Variants in UNC5D observed in about 807,000 individuals in gnomAD.
The protein encoded by UNC5D is netrin receptor UNC5D.
UNC5D carries 39 observed loss-of-function variants against 105.4 expected under a neutral mutation model. The observed-to-expected ratio is 0.37, with a 90% CI of 0.29 to 0.48. The LOEUF (loss-of-function observed/expected upper bound fraction) is 0.48, where lower values mean the gene tolerates loss of function less well. Among genes scored for constraint, UNC5D ranks in the 20% least tolerant of loss-of-function variants. The pLI is 0.98. For missense variants in UNC5D, 991 were observed against 1,202.4 expected (o/e 0.82, Z 2.60); for synonymous variants, 452 against 450.4 (o/e 1.00, Z -0.04).
At chr8:35,625,120 G>A (rs886548380) in intron 4 of UNC5D, among the ~76,000 whole-genome samples, 6 of 152,052 alleles carry the variant, frequency 3.9e-5, no homozygotes, top group Admixed American at 2.0e-4. Context: ...AGGGCATTCC[G>A]TTGTGATGAG....
intron 1 of UNC5D, among the ~76,000 whole-genome samples, chr8:35,459,923 G>A (rs1328138401): frequency 6.6e-6 from 1 of 152,076 alleles, no homozygotes; most frequent in Non-Finnish European, 1.5e-5. Flanking sequence ...GACCTGCTGT[G>A]GCCTTTAGAC....
intron 1 of UNC5D, among the ~76,000 whole-genome samples, chr8:35,274,827 C>T (rs986122615): frequency 1.2e-4 from 19 of 152,184 alleles, no homozygotes; most frequent in African/African-American, 4.6e-4. Context: ...TTTATCAATT[C>T]TAAAAAATAT....
intron 1 of UNC5D, among the ~76,000 whole-genome samples, chr8:35,326,352 C>A (rs553280040): frequency 6.6e-6 from 1 of 152,056 alleles, no homozygotes; most frequent in East Asian, 1.9e-4. Context: ...GGTCAAAGCA[C>A]GTGGTTGGAA....
At chr8:35,263,108 A>G (rs927149678) in intron 1 of UNC5D, among the ~76,000 whole-genome samples, 1 of 151,988 alleles carries the variant, frequency 6.6e-6, no homozygotes, top group East Asian at 1.9e-4. Context: ...GCACCTTCAC[A>G]TATTCTTTTT....
intron 14 of UNC5D, among the ~76,000 whole-genome samples, chr8:35,761,772 C>T (rs1014411361): frequency 6.6e-6 from 1 of 152,132 alleles, no homozygotes; most frequent in African/African-American, 2.4e-5. Flanking sequence ...TGAAATCCCT[C>T]AGCTTGTGTG....
intron 4 of UNC5D, among the ~76,000 whole-genome samples, chr8:35,618,585 G>A (rs1225163586): frequency 6.6e-6 from 1 of 152,156 alleles, no homozygotes; most frequent in African/African-American, 2.4e-5. Flanking sequence ...GATGATCATG[G>A]TTAGTTACCA....
chr8:35,655,826 A>G (rs1485817562), intron 4 of UNC5D, among the ~76,000 whole-genome samples: 1 of 152,178 alleles, frequency 6.6e-6, no homozygotes, highest in African/African-American at 2.4e-5. Context: ...TATAATAAAC[A>G]GCTACAATGT....
At chr8:35,512,491 T>TATATATATATAG (rs1812791960) in intron 1 of UNC5D, among the ~76,000 whole-genome samples, 1 of 115,708 alleles carries the variant, frequency 8.6e-6, no homozygotes, top group Non-Finnish European at 1.8e-5. Flanking sequence ...TATATATATA[T>TATATATATATAG]ATATATATAT....
At chr8:35,471,238 A>G (rs1242427307) in intron 1 of UNC5D, among the ~76,000 whole-genome samples, 1 of 152,134 alleles carries the variant, frequency 6.6e-6, no homozygotes, top group Non-Finnish European at 1.5e-5. Flanking sequence ...AGCCCCTAAG[A>G]TCCAAGTAGT....
rs570794894 is a variant in UNC5D at position 35,751,846 on chromosome 8, C to T, written c.2163+1037C>T. Among the ~76,000 whole-genome samples, 5 of 152,182 alleles carry T rather than the reference C, an allele frequency of 3.3e-5. No homozygotes were observed. In the East Asian group the frequency reaches 5.8e-4, roughly 18 times the overall value. ...TTCAACAAACAAACACAGACACAAA[C>T]GGAGAAGAGTTTTTGGGAACTCTTT... is the stretch of plus-strand genomic sequence containing the variant. On this transcript the variant is annotated intron_variant, in intron 13 of 16. Transcript: ENST00000404895.
chr8:35,677,009 A>G (rs1825280238), intron 4 of UNC5D, among the ~76,000 whole-genome samples: 1 of 152,148 alleles, frequency 6.6e-6, no homozygotes, highest in Non-Finnish European at 1.5e-5. Context: ...CATGAAAAAT[A>G]TAAGATCTGA....
chr8:35,408,656 TG>T (rs1315225909), intron 1 of UNC5D, among the ~76,000 whole-genome samples: 1 of 151,708 alleles, frequency 6.6e-6, no homozygotes, highest in Non-Finnish European at 1.5e-5. Flanking sequence ...TATTAAAGAG[TG>T]TGGTTAATTG....
intron 4 of UNC5D, among the ~76,000 whole-genome samples, chr8:35,623,610 T>G (rs1484913510): frequency 6.6e-6 from 1 of 152,146 alleles, no homozygotes; most frequent in Non-Finnish European, 1.5e-5. Context: ...AAAAGTCCCC[T>G]CTTCCCCTTC....
In UNC5D at chr8:35,327,949, T is replaced by A. The variant is rs530422366; in HGVS notation, c.103+92062T>A. Among the ~76,000 whole-genome samples the A allele has an allele frequency of 4.6e-5, 7 of 152,308 alleles. 1 individual carries two copies. The South Asian group carries it at 1.4e-3, about 32-fold the overall frequency. The stretch of plus-strand genomic sequence containing the variant: ...AGCATCTTTGATAGATGACAGTCAG[T>A]GGGTTCATTTGTTAATTTTTGGCCC... On this transcript the variant is annotated intron_variant, in intron 1 of 16. Transcript: ENST00000404895.
chr8:35,296,088 T>G (rs1807463439), intron 1 of UNC5D, among the ~76,000 whole-genome samples: 1 of 152,216 alleles, frequency 6.6e-6, no homozygotes, highest in South Asian at 2.1e-4. Flanking sequence ...CAGAGTTTTT[T>G]CCGCATATTG....
intron 11 of UNC5D, among the ~76,000 whole-genome samples, chr8:35,745,167 G>T (rs1256330713): frequency 1.3e-5 from 2 of 152,188 alleles, no homozygotes; most frequent in East Asian, 3.9e-4. Flanking sequence ...TAAGTGTTAA[G>T]GAGAAAAAGT....
At chr8:35,777,118 G>A (rs1193764944) in intron 16 of UNC5D, among the ~76,000 whole-genome samples, 1 of 152,248 alleles carries the variant, frequency 6.6e-6, no homozygotes, top group Non-Finnish European at 1.5e-5. Context: ...GCTGGGCATG[G>A]TGGCAGGCAC....
At chr8:35,362,217 G>A (rs1801894272) in intron 1 of UNC5D, among the ~76,000 whole-genome samples, 1 of 152,158 alleles carries the variant, frequency 6.6e-6, no homozygotes, top group African/African-American at 2.4e-5. Context: ...TGAATCAACT[G>A]TCTCATGCCA....
At chr8:35,699,611 A>G (rs1360590129) in intron 7 of UNC5D, among the ~76,000 whole-genome samples, 1 of 152,198 alleles carries the variant, frequency 6.6e-6, no homozygotes, top group Non-Finnish European at 1.5e-5. Context: ...GGAAAACTCC[A>G]GGAGGAATCT....
Sources: allele counts gnomAD v4.1 joint callset (sites outside exome capture counted in the v4.1 genomes callset), GRCh38; gene constraint gnomAD v4.1.1; transcripts MANE v1.5; gene names NCBI Gene and HGNC (gene_info 2026-07-23, HGNC 2026-07-21).